Variants in GPHN observed in about 807,000 individuals in gnomAD.
The protein encoded by GPHN is gephyrin.
GPHN carries 17 observed loss-of-function variants against 95.5 expected under a neutral mutation model. That is an observed-to-expected ratio of 0.18 (90% CI 0.12 to 0.27). The LOEUF (loss-of-function observed/expected upper bound fraction) is 0.27. GPHN is among the 10% of genes least tolerant of loss of function. The pLI is 1.00. For missense variants in GPHN, 660 were observed against 978.1 expected, an observed-to-expected ratio of 0.67 and a Z score of 4.34; for synonymous variants, 320 against 322.5, an observed-to-expected ratio of 0.99 and a Z score of 0.08.
chr14:67,339,440 A>G, the GPHN span, among the ~76,000 whole-genome samples: 1 of 152,196 alleles, frequency 6.6e-6, no homozygotes, highest in African/African-American at 2.4e-5. Context: ...AATTAAGATT[A>G]TAGACCATAG....
At chr14:67,215,297 A>G in the GPHN span, among the ~76,000 whole-genome samples, 1 of 152,176 alleles carries the variant, frequency 6.6e-6, no homozygotes, top group Non-Finnish European at 1.5e-5. Flanking sequence ...AAAAAGATAA[A>G]AAATGGTTCA....
intron 2 of GPHN, among the ~76,000 whole-genome samples, chr14:66,686,424 G>C (rs527771593): frequency 6.6e-6 from 1 of 152,044 alleles, no homozygotes; most frequent in African/African-American, 2.4e-5. Flanking sequence ...CTTTTATTTT[G>C]TTGAGCAGTG....
the GPHN span, among the ~76,000 whole-genome samples, chr14:67,363,789 T>C: frequency 6.6e-6 from 1 of 152,206 alleles, no homozygotes; most frequent in East Asian, 1.9e-4. Flanking sequence ...AGTTATTATA[T>C]GAATTTTCAC....
intron 1 of GPHN, among the ~76,000 whole-genome samples, chr14:66,646,916 T>G (rs936351869): frequency 1.3e-5 from 2 of 152,024 alleles, no homozygotes; most frequent in South Asian, 4.2e-4. Flanking sequence ...ATTTTTACAG[T>G]GACACGGTCT....
intron 2 of GPHN, among the ~76,000 whole-genome samples, chr14:66,743,185 C>CT (rs113300979): frequency 0.31 from 45,925 of 146,098 alleles, 10,612 homozygotes; most frequent in African/African-American, 0.63. Flanking sequence ...GTAGAGAGTT[C>CT]TTTTTTTTTT....
At chr14:67,697,658 A>C in the GPHN span, among the ~76,000 whole-genome samples, 1 of 152,238 alleles carries the variant, frequency 6.6e-6, no homozygotes, top group African/African-American at 2.4e-5. Context: ...AAAGAGGCAG[A>C]GCTGGGATTC....
At chr14:66,929,054 C>CTTTTTT (rs147521541) in intron 8 of GPHN, among the ~76,000 whole-genome samples, 4 of 122,784 alleles carry the variant, frequency 3.3e-5, no homozygotes, top group African/African-American at 5.8e-5. Flanking sequence ...TCCAATGTTT[C>CTTTTTT]TTTTTTTTTT....
At chr14:66,812,747 A>G (rs933026003) in intron 3 of GPHN, among the ~76,000 whole-genome samples, 1 of 152,208 alleles carries the variant, frequency 6.6e-6, no homozygotes, top group Non-Finnish European at 1.5e-5. Context: ...CAGCTCTATA[A>G]AGCAGGTTGA....
At chr14:66,906,783 C>G (rs1033419716) in intron 5 of GPHN, among the ~76,000 whole-genome samples, 3 of 152,034 alleles carry the variant, frequency 2.0e-5, no homozygotes, top group Admixed American at 6.6e-5. Flanking sequence ...AGGAATTTTC[C>G]TGTTATCTTT....
At chr14:67,544,283 A>G in the GPHN span, among the ~76,000 whole-genome samples, 2 of 152,156 alleles carry the variant, frequency 1.3e-5, no homozygotes, top group Middle Eastern at 3.2e-3. Context: ...GAACCTGACG[A>G]TAACACTGGT....
the GPHN span, among the ~76,000 whole-genome samples, chr14:67,623,739 A>G: frequency 1.3e-5 from 2 of 151,820 alleles, no homozygotes; most frequent in African/African-American, 4.8e-5. Flanking sequence ...ATGGGGTTTC[A>G]CCATGTTGGC....
chr14:66,790,631 A>T (rs775088529), intron 3 of GPHN, among the ~76,000 whole-genome samples: 1 of 152,192 alleles, frequency 6.6e-6, no homozygotes, highest in East Asian at 1.9e-4. Flanking sequence ...TCTCTGGGCA[A>T]GATGGTTGCC....
chr14:67,240,121 A>C, the GPHN span, among the ~76,000 whole-genome samples: 1 of 152,184 alleles, frequency 6.6e-6, no homozygotes. Context: ...CATGCAGCAG[A>C]GTTCTGTCCT....
chr14:66,674,481 T>C (rs1242159994), intron 1 of GPHN, among the ~76,000 whole-genome samples: 4 of 152,162 alleles, frequency 2.6e-5, no homozygotes, highest in African/African-American at 9.7e-5. Context: ...TCTAAGCCTC[T>C]AGCAACCACA....
chr14:67,456,927 A>G, the GPHN span, among the ~76,000 whole-genome samples: 12 of 152,242 alleles, frequency 7.9e-5, no homozygotes, highest in Non-Finnish European at 1.8e-4. Flanking sequence ...GTACATATAT[A>G]CCATAGAATA....
chr14:67,660,179 C>T, the GPHN span: 1 of 348,366 alleles, frequency 2.9e-6, no homozygotes, highest in Non-Finnish European at 5.2e-6. Flanking sequence ...TACTTTATAG[C>T]TTACTAAACA....
At chr14:67,419,571 G>C in the GPHN span, among the ~76,000 whole-genome samples, 3 of 152,182 alleles carry the variant, frequency 2.0e-5, no homozygotes, top group Non-Finnish European at 4.4e-5. Context: ...TCTCATAAAG[G>C]CTGCATCCAG....
rs544728868 is a variant in GPHN, at chr14:66,580,864, G to GA, written c.64+72282dup. On this transcript the variant is annotated intron_variant, in intron 1 of 22. Coordinates refer to ENST00000478722, the MANE Select transcript of GPHN (RefSeq NM_020806.5). ...GATACCGAAGTCAAAGACACTACAA[G>GA]AAAAAAAAATGCAGGCCAATATTGT... 1.1e-4 allele frequency among the ~76,000 whole-genome samples: 17 copies of GA among 149,908 alleles called. No homozygotes were observed. In the South Asian group the frequency reaches 1.3e-3, roughly 11 times the overall value.
chr14:67,379,648 C>CTTTTACTTTT, the GPHN span, among the ~76,000 whole-genome samples: 1 of 135,324 alleles, frequency 7.4e-6, no homozygotes, highest in African/African-American at 3.1e-5. Flanking sequence ...TTCTTTTTTT[C>CTTTTACTTTT]TTTTTCTTTT....
Sources: allele counts gnomAD v4.1 joint callset (sites outside exome capture counted in the v4.1 genomes callset), GRCh38; gene constraint gnomAD v4.1.1; transcripts MANE v1.5; gene names NCBI Gene and HGNC (gene_info 2026-07-23, HGNC 2026-07-21).